Variants in GPC6 observed in about 807,000 individuals in gnomAD.
GPC6 encodes the protein glypican 6, also known as glypican-6.
Under a neutral mutation model 55.2 loss-of-function variants are expected in GPC6, and 14 were observed. The observed-to-expected ratio is 0.25, with a 90% CI of 0.17 to 0.40. The LOEUF is 0.40. Among genes scored for constraint, GPC6 ranks in the 10% least tolerant of loss-of-function variants. GPC6 has a pLI of 1.00. For synonymous variants in GPC6, 278 were observed against 259.6 expected, an observed-to-expected ratio of 1.07 and a Z score of -0.68; for missense variants, 641 against 708.5, an observed-to-expected ratio of 0.90 and a Z score of 1.08.
At chr13:93,475,145 GATAA>G (rs1231680077) in intron 1 of GPC6, among the ~76,000 whole-genome samples, 2 of 146,412 alleles carry the variant, frequency 1.4e-5, no homozygotes, top group Non-Finnish European at 3.0e-5. Flanking sequence ...TGAATCCTTA[GATAA>G]ATAAATAAAT....
chr13:93,911,441 T>C (rs183317084), intron 3 of GPC6, among the ~76,000 whole-genome samples: 74 of 152,166 alleles, frequency 4.9e-4, no homozygotes, highest in Admixed American at 1.8e-3. Context: ...TGTGTGTATT[T>C]CCTTAAATCT....
intron 3 of GPC6, among the ~76,000 whole-genome samples, chr13:93,871,852 T>G (rs1889142319): frequency 6.6e-6 from 1 of 151,938 alleles, no homozygotes; most frequent in Non-Finnish European, 1.5e-5. Flanking sequence ...GATTCAAATG[T>G]TAGACTTTTT....
intron 1 of GPC6, among the ~76,000 whole-genome samples, chr13:93,403,573 T>C (rs544770771): frequency 1.3e-5 from 2 of 152,318 alleles, no homozygotes; most frequent in Non-Finnish European, 2.9e-5. Context: ...TTTGGTTAAA[T>C]TTGTAGATAT....
intron 1 of GPC6, among the ~76,000 whole-genome samples, chr13:93,416,364 A>C (rs558772538): frequency 6.6e-6 from 1 of 152,262 alleles, no homozygotes; most frequent in East Asian, 1.9e-4. Flanking sequence ...ACTTTAATAC[A>C]TTATCACATT....
At chr13:93,338,523 T>C (rs1008698750) in intron 1 of GPC6, among the ~76,000 whole-genome samples, 1 of 152,218 alleles carries the variant, frequency 6.6e-6, no homozygotes, top group Non-Finnish European at 1.5e-5. Context: ...TGCTGGATTT[T>C]AGAATATAAA....
chr13:94,392,415 A>ATTTTTTTTTTTTT, intron 7 of GPC6, among the ~76,000 whole-genome samples: 1 of 105,682 alleles, frequency 9.5e-6, no homozygotes. Flanking sequence ...TCTATTTTTA[A>ATTTTTTTTTTTTT]TTTTTTTTTT....
chr13:93,396,836 C>CTAT (rs1321485920), intron 1 of GPC6, among the ~76,000 whole-genome samples: 6 of 151,994 alleles, frequency 3.9e-5, no homozygotes, highest in Admixed American at 2.6e-4. Flanking sequence ...ACTCCCTTAA[C>CTAT]TATTATTATT....
chr13:93,269,770 CA>C (rs55928643), intron 1 of GPC6, among the ~76,000 whole-genome samples: 18,403 of 114,500 alleles, frequency 0.16, 2,721 homozygotes, highest in African/African-American at 0.42. Context: ...CTAAAAATAC[CA>C]AAAAAAAAAA....
chr13:93,926,852 G>C (rs1163744637), intron 3 of GPC6, among the ~76,000 whole-genome samples: 4 of 152,014 alleles, frequency 2.6e-5, no homozygotes, highest in Non-Finnish European at 4.4e-5. Flanking sequence ...GTCCTAACTA[G>C]GGCAAATGTT....
Position 93,707,864 on chromosome 13 carries a change from CT to C in GPC6, c.320-122286del, listed in dbSNP as rs540677046. ...TATTCCACATGTTCTGGCAATCACA[CT>C]TTTGCCACCTTCGGCATAATTCTGA... On this transcript the variant is annotated intron_variant, in intron 2 of 8. Coordinates refer to ENST00000377047, the MANE Select transcript of GPC6 (RefSeq NM_005708.5). Among the ~76,000 whole-genome samples, 93 of 151,856 alleles carry C rather than the reference CT, an allele frequency of 6.1e-4. 3 individuals carry two copies. The South Asian group carries it at 0.019, about 31-fold the overall frequency.
chr13:93,922,118 G>A (rs1013469405), intron 3 of GPC6, among the ~76,000 whole-genome samples: 3 of 152,160 alleles, frequency 2.0e-5, no homozygotes, highest in African/African-American at 7.2e-5. Context: ...AAAGAGGGTC[G>A]TGATAGTGAA....
intron 4 of GPC6, among the ~76,000 whole-genome samples, chr13:94,108,420 T>C (rs1002633003): frequency 2.6e-5 from 4 of 152,054 alleles, no homozygotes; most frequent in African/African-American, 9.7e-5. Flanking sequence ...AGATTACCAA[T>C]TACGTTCTTG....
intron 2 of GPC6, among the ~76,000 whole-genome samples, chr13:93,582,801 T>A (rs567894483): frequency 7.2e-5 from 11 of 152,276 alleles, no homozygotes; most frequent in Admixed American, 6.5e-4. Context: ...AGGTGGACTG[T>A]CAAACGTGCT....
At chr13:93,495,820 C>T (rs1049168803) in intron 1 of GPC6, among the ~76,000 whole-genome samples, 3 of 146,946 alleles carry the variant, frequency 2.0e-5, no homozygotes, top group African/African-American at 7.6e-5. Flanking sequence ...GGGGGTGTCT[C>T]CCAGTTAGGC....
intron 1 of GPC6, among the ~76,000 whole-genome samples, chr13:93,304,619 A>G (rs1878794388): frequency 2.0e-5 from 3 of 152,350 alleles, no homozygotes; most frequent in Non-Finnish European, 2.9e-5. Context: ...ATTCTGACAC[A>G]TGTTAATGAC....
intron 4 of GPC6, among the ~76,000 whole-genome samples, chr13:94,064,448 T>C (rs1566356568): frequency 1.3e-5 from 2 of 152,172 alleles, no homozygotes; most frequent in Admixed American, 6.6e-5. Flanking sequence ...GCATGGGGAC[T>C]GGCCCAGGAA....
chr13:93,992,835 G>C (rs1433046827), intron 3 of GPC6, among the ~76,000 whole-genome samples: 1 of 152,148 alleles, frequency 6.6e-6, no homozygotes, highest in Non-Finnish European at 1.5e-5. Context: ...AGAAATGTTA[G>C]AATAGACACA....
At chr13:93,942,896 C>T (rs1162080082) in intron 3 of GPC6, among the ~76,000 whole-genome samples, 1 of 152,128 alleles carries the variant, frequency 6.6e-6, no homozygotes, top group East Asian at 1.9e-4. Flanking sequence ...AGATTTTTCT[C>T]TAGTTCATTC....
chr13:93,698,775 CCTT>C (rs770695649), intron 2 of GPC6, among the ~76,000 whole-genome samples: 13 of 151,942 alleles, frequency 8.6e-5, no homozygotes, highest in Non-Finnish European at 1.8e-4. Context: ...CTTTCACAAT[CCTT>C]CTTTTCCCCT....
Sources: allele counts gnomAD v4.1 joint callset (sites outside exome capture counted in the v4.1 genomes callset), GRCh38; gene constraint gnomAD v4.1.1; transcripts MANE v1.5; gene names NCBI Gene and HGNC (gene_info 2026-07-23, HGNC 2026-07-21).